The following CCDC7 variants were observed in gnomAD, a reference collection of about 807,000 sequenced individuals.
The protein encoded by CCDC7 is coiled-coil domain containing 7.
A neutral mutation model predicts 196.9 loss-of-function variants in CCDC7; 183 were observed. The ratio of observed to expected loss-of-function variants is 0.93; its 90% CI spans 0.82 to 1.05. The LOEUF (loss-of-function observed/expected upper bound fraction) is 1.05, where lower values mean the gene tolerates loss of function less well. CCDC7 is among the 50% of genes least tolerant of loss of function. The probability of loss-of-function intolerance (pLI) is 0.00; values close to 1 mark genes in which losing one functional copy is unlikely to be tolerated. For synonymous variants in CCDC7, 525 were observed against 484.6 expected (o/e 1.08, Z -1.10); for missense variants, 1,540 against 1,482.2 (o/e 1.04, Z -0.64).
At chr10:32,735,412 A>AGT (rs1237418715) in intron 28 of CCDC7, among the ~76,000 whole-genome samples, 1 of 152,136 alleles carries the variant, frequency 6.6e-6, no homozygotes, top group Non-Finnish European at 1.5e-5. Context: ...AGTGGCATGT[A>AGT]GTGGCATCTC....
At chr10:32,604,992 C>G (rs1480488346) in intron 18 of CCDC7, among the ~76,000 whole-genome samples, 3 of 152,026 alleles carry the variant, frequency 2.0e-5, no homozygotes, top group Non-Finnish European at 4.4e-5. Context: ...AAACTGTAAT[C>G]CCCAGTTTTG....
intron 8 of CCDC7, among the ~76,000 whole-genome samples, chr10:32,485,694 ATGTCTT>A (rs2040922931): frequency 6.6e-6 from 1 of 152,046 alleles, no homozygotes; most frequent in South Asian, 2.1e-4. Flanking sequence ...CTAGGATGTT[ATGTCTT>A]TGTTCTTGTT....
chr10:32,835,676 C>T (rs766446354), intron 33 of CCDC7, among the ~76,000 whole-genome samples: 4 of 151,804 alleles, frequency 2.6e-5, no homozygotes, highest in Non-Finnish European at 5.9e-5. Flanking sequence ...AACACTGGGG[C>T]CTTTTGCAGA....
intron 11 of CCDC7, among the ~76,000 whole-genome samples, chr10:32,542,678 C>A (rs1307180022): frequency 6.7e-6 from 1 of 149,670 alleles, no homozygotes; most frequent in Non-Finnish European, 1.5e-5. Context: ...TCTCCATCTA[C>A]CTTGGTTCAC....
rs2076788210 is a variant in CCDC7 at position 32,689,147 on chromosome 10, A to AG, written c.2331dup (p.Gln778AlafsTer7). On this transcript the variant is annotated frameshift_variant, in exon 23 of 42. Coordinates refer to ENST00000639629, the Ensembl canonical transcript of CCDC7. LOFTEE classifies it high-confidence loss of function. ...AAGTGAAGGAACAAAGAACTCTCAA[A>AG]GGGCAAAGAATTATTAGTAAGTATA... 7 of 1,574,182 alleles carry AG rather than the reference A, an allele frequency of 4.4e-6. No individual in the cohort carries two copies. The highest frequency in any genetic ancestry group is 6.1e-6 in the Non-Finnish European group (7 of 1,146,180).
downstream of CCDC7, among the ~76,000 whole-genome samples, chr10:32,879,841 A>T (rs143194099): frequency 1.6e-3 from 244 of 151,670 alleles, 1 homozygote; most frequent in African/African-American, 5.6e-3. Context: ...TGCTGAGTAT[A>T]ATGACTTCCA....
chr10:32,632,115 C>T, intron 18 of CCDC7, among the ~76,000 whole-genome samples: 1 of 122,946 alleles, frequency 8.1e-6, no homozygotes, highest in African/African-American at 3.3e-5. Flanking sequence ...CTTTTCAATC[C>T]AGATACATTT....
At chr10:32,513,257 G>GAT (rs955615010) in intron 9 of CCDC7, 4 of 151,986 alleles carry the variant, frequency 2.6e-5, no homozygotes, top group African/African-American at 9.7e-5. Flanking sequence ...TAACTTAGAT[G>GAT]ATATATATCT....
intron 25 of CCDC7, among the ~76,000 whole-genome samples, chr10:32,724,773 C>T (rs2082883995): frequency 6.6e-6 from 1 of 152,098 alleles, no homozygotes; most frequent in Non-Finnish European, 1.5e-5. Context: ...ACAAGAAGGA[C>T]TCCAAATGGA....
chr10:32,659,653 T>G (rs779244245), intron 20 of CCDC7, among the ~76,000 whole-genome samples: 9 of 152,018 alleles, frequency 5.9e-5, no homozygotes, highest in Non-Finnish European at 1.0e-4. Flanking sequence ...AACAACCCCA[T>G]TAAAAAGTGG....
At chr10:32,471,132 T>G in exon 6 of CCDC7, 23 of 1,612,714 alleles carry the variant, frequency 1.4e-5, no homozygotes, top group Non-Finnish European at 2.0e-5. Flanking sequence ...TTTTAAATAT[T>G]GCAGAAATAG....
intron 21 of CCDC7, among the ~76,000 whole-genome samples, chr10:32,671,074 G>T (rs1040331202): frequency 1.3e-5 from 2 of 152,052 alleles, no homozygotes; most frequent in Admixed American, 6.6e-5. Context: ...ATTTATTATT[G>T]AATAAAGAAA....
chr10:32,475,546 G>C (rs1403393664), intron 8 of CCDC7, among the ~76,000 whole-genome samples: 5 of 152,182 alleles, frequency 3.3e-5, no homozygotes, highest in East Asian at 1.9e-4. Context: ...TTTGCTCATG[G>C]TTCTAAAGGG....
At chr10:32,866,684 C>T (rs1010433694) in intron 41 of CCDC7, among the ~76,000 whole-genome samples, 4 of 151,298 alleles carry the variant, frequency 2.6e-5, no homozygotes, top group Admixed American at 2.6e-4. Context: ...AAAGGAAAAG[C>T]TATTTCTTTC....
chr10:32,683,721 T>C (rs1054153093), intron 21 of CCDC7, among the ~76,000 whole-genome samples: 3 of 152,150 alleles, frequency 2.0e-5, no homozygotes, highest in African/African-American at 7.2e-5. Context: ...GCAGCAGCAA[T>C]GGCAGAGGGG....
intron 1 of CCDC7, 37 bp from the exon 3 acceptor site, chr10:32,453,307 T>C: frequency 7.4e-7 from 1 of 1,358,158 alleles, no homozygotes; most frequent in Non-Finnish European, 9.7e-7. Flanking sequence ...TTTTAAACTA[T>C]TAAAGTATCT....
chr10:32,818,174 C>G (rs2089249163), intron 31 of CCDC7, among the ~76,000 whole-genome samples: 1 of 152,084 alleles, frequency 6.6e-6, no homozygotes, highest in South Asian at 2.1e-4. Context: ...CAAAAAAAGG[C>G]AAGGGTTGCA....
At chr10:32,482,876 AT>A (rs908703543) in intron 8 of CCDC7, among the ~76,000 whole-genome samples, 2 of 152,052 alleles carry the variant, frequency 1.3e-5, no homozygotes, top group African/African-American at 4.8e-5. Flanking sequence ...TACATGCCAC[AT>A]TTTCTTAATC....
rs999912423 is a variant in CCDC7, at chr10:32,655,973, T to C, written c.2015-8081T>C. On this transcript the variant is annotated intron_variant, in intron 20 of 41. Coordinates refer to ENST00000639629, the Ensembl canonical transcript of CCDC7. Reference sequence around the variant, plus strand: ...TATTAACTCCTTATCAGATCTATAGTTTGCAAACATCTTCTCCCATTCTGT... The same window carrying C: ...TATTAACTCCTTATCAGATCTATAGCTTGCAAACATCTTCTCCCATTCTGT... Among the ~76,000 whole-genome samples, 6 of 152,216 alleles carry C rather than the reference T, an allele frequency of 3.9e-5. No homozygotes were observed. The East Asian group carries it at 1.2e-3, about 29-fold the overall frequency.
Sources: gnomAD v4.1 joint callset for allele counts (sites outside exome capture counted in the v4.1 genomes callset) on GRCh38, gnomAD v4.1.1 for gene constraint, MANE v1.5 for transcripts, NCBI Gene and HGNC (gene_info 2026-07-23, HGNC 2026-07-21) for gene names.